The following MAD1L1 variants were observed in gnomAD, a reference collection of about 807,000 sequenced individuals.
MAD1L1 encodes mitotic arrest deficient 1 like 1, also known as mitotic spindle assembly checkpoint protein MAD1.
A neutral mutation model predicts 96.9 loss-of-function variants in MAD1L1; 95 were observed. The ratio of observed to expected loss-of-function variants is 0.98; its 90% CI spans 0.83 to 1.16. The LOEUF is 1.16. MAD1L1 is among the 50% of genes most tolerant of loss of function. MAD1L1 has a pLI of 0.00. For missense variants in MAD1L1, 1,007 were observed against 954.4 expected, an observed-to-expected ratio of 1.06 and a Z score of -0.73; for synonymous variants, 473 against 396.6, an observed-to-expected ratio of 1.19 and a Z score of -2.29.
Position 2,225,635 on chromosome 7 carries a change from CCT to C in MAD1L1, c.151-87_151-86del, listed in dbSNP as rs1793853107. On this transcript the variant is annotated intron_variant, in intron 3 of 18. Coordinates refer to ENST00000265854, the MANE Select transcript of MAD1L1 (RefSeq NM_001013836.2). ...GTGACTCAGTGCAGCAGACACACTC[CCT>C]GAGGACCCATTCCCGCAGGTCCCGT... is the stretch of plus-strand genomic sequence containing the variant. The C allele has an allele frequency of 2.8e-6, 4 of 1,429,780 alleles. No individual in the cohort carries two copies. The Admixed American group carries it at 5.6e-5, about 20-fold the overall frequency. The allele number at this position is 1,429,780 out of a possible 1,614,324, so 88.6% of individuals were successfully genotyped here. A position where few individuals can be genotyped will look rare whatever the true frequency, so the allele number is the denominator to read the frequency against.
intron 10 of MAD1L1, among the ~76,000 whole-genome samples, chr7:2,210,447 GAC>G: frequency 1.4e-5 from 2 of 138,288 alleles, no homozygotes; most frequent in Non-Finnish European, 3.3e-5. Flanking sequence ...CATTCCCGTG[GAC>G]TCTCTAGGAG....
chr7:2,053,444 G>A (rs541896856), intron 12 of MAD1L1, among the ~76,000 whole-genome samples: 42 of 152,356 alleles, frequency 2.8e-4, no homozygotes, highest in South Asian at 1.2e-3. Context: ...AAGGAACTGT[G>A]CCAGCCGCCG....
At chr7:2,140,739 G>A (rs1042322617) in intron 11 of MAD1L1, among the ~76,000 whole-genome samples, 1 of 152,258 alleles carries the variant, frequency 6.6e-6, no homozygotes, top group Non-Finnish European at 1.5e-5. Flanking sequence ...GTCCCTGCAT[G>A]CCAGAAAGGG....
intron 11 of MAD1L1, among the ~76,000 whole-genome samples, chr7:2,073,422 C>T (rs1055366461): frequency 2.0e-5 from 3 of 152,206 alleles, no homozygotes; most frequent in Non-Finnish European, 2.9e-5. Flanking sequence ...TCTCTACGAT[C>T]GTCAGTCACC....
At chr7:2,019,099 C>G (rs993791865) in intron 12 of MAD1L1, among the ~76,000 whole-genome samples, 5 of 152,222 alleles carry the variant, frequency 3.3e-5, no homozygotes, top group South Asian at 2.1e-4. Flanking sequence ...GGGCTGCAGA[C>G]ACGGCTCTGC....
intron 4 of MAD1L1, among the ~76,000 whole-genome samples, chr7:2,224,489 G>A (rs1050373658): frequency 6.6e-6 from 1 of 152,126 alleles, no homozygotes; most frequent in South Asian, 2.1e-4. Context: ...CCCACACAAC[G>A]CACACCGCAG....
intron 18 of MAD1L1, among the ~76,000 whole-genome samples, chr7:1,856,031 G>C (rs961751772): frequency 6.6e-6 from 1 of 152,194 alleles, no homozygotes; most frequent in African/African-American, 2.4e-5. Context: ...GGGGTGCGGT[G>C]AGGGAGCTCT....
chr7:1,946,972 C>T (rs1310270868), intron 16 of MAD1L1, among the ~76,000 whole-genome samples: 1 of 152,216 alleles, frequency 6.6e-6, no homozygotes, highest in Non-Finnish European at 1.5e-5. Context: ...TGGGGGCTGG[C>T]GTTGGCTCCA....
chr7:1,959,068 A>G (rs997222365), intron 15 of MAD1L1, among the ~76,000 whole-genome samples: 2 of 152,198 alleles, frequency 1.3e-5, no homozygotes, highest in East Asian at 1.9e-4. Context: ...CCTGGCCAAC[A>G]TGGCGTAACC....
chr7:1,920,339 T>C (rs34008721), intron 17 of MAD1L1, among the ~76,000 whole-genome samples: 52,003 of 152,180 alleles, frequency 0.34, 9,152 homozygotes, highest in Middle Eastern at 0.42. Flanking sequence ...CTGTGTTGTC[T>C]GCAGATGGAG....
At chr7:2,163,542 T>A (rs1790270616) in intron 10 of MAD1L1, among the ~76,000 whole-genome samples, 1 of 152,066 alleles carries the variant, frequency 6.6e-6, no homozygotes, top group African/African-American at 2.4e-5. Flanking sequence ...CCTGGCTAAT[T>A]TTTTGTATCT....
In MAD1L1 at chr7:1,879,607, A is replaced by C. The variant is rs1785569761; in HGVS notation, c.1998+18593T>G. The stretch of plus-strand genomic sequence containing the variant: ...TCTAGAATAGCTATAATTTTGAAAA[A>C]GAACAAAATTGGAGGACTTATGTTA... On this transcript the variant is annotated intron_variant, in intron 18 of 18. Coordinates refer to ENST00000265854, the MANE Select transcript of MAD1L1 (RefSeq NM_001013836.2). 2.0e-5 allele frequency among the ~76,000 whole-genome samples: 3 copies of C among 152,234 alleles called. No homozygotes were observed. The South Asian group carries it at 6.2e-4, about 32-fold the overall frequency.
At chr7:2,134,012 C>T (rs1217222557) in intron 11 of MAD1L1, among the ~76,000 whole-genome samples, 2 of 152,200 alleles carry the variant, frequency 1.3e-5, no homozygotes, top group East Asian at 1.9e-4. Context: ...CTGGCCATTG[C>T]CATCTTTTGC....
At chr7:2,218,599 T>A (rs190411641) in intron 6 of MAD1L1, among the ~76,000 whole-genome samples, 141 of 152,174 alleles carry the variant, frequency 9.3e-4, no homozygotes, top group African/African-American at 3.3e-3. Flanking sequence ...CCAAGGCACA[T>A]GATGCTGCCC....
At chr7:2,220,571 C>A (rs769708302) in intron 5 of MAD1L1, among the ~76,000 whole-genome samples, 5 of 152,226 alleles carry the variant, frequency 3.3e-5, no homozygotes, top group Non-Finnish European at 5.9e-5. Context: ...CAAACTCACA[C>A]AGCAAACGAC....
At chr7:2,079,618 G>T (rs1041297500) in intron 11 of MAD1L1, 24 of 470,806 alleles carry the variant, frequency 5.1e-5, no homozygotes, top group African/African-American at 4.8e-4. Flanking sequence ...CTTGAAATGT[G>T]AGAAGGAAAA....
chr7:1,949,336 C>T (rs1779380752), intron 16 of MAD1L1, among the ~76,000 whole-genome samples: 1 of 152,218 alleles, frequency 6.6e-6, no homozygotes, highest in Admixed American at 6.5e-5. Flanking sequence ...GCAAGCATCG[C>T]CCGGGGGGAC....
chr7:2,134,870 A>G (rs963950141), intron 11 of MAD1L1, among the ~76,000 whole-genome samples: 1 of 152,234 alleles, frequency 6.6e-6, no homozygotes, highest in Non-Finnish European at 1.5e-5. Flanking sequence ...AGAACACCTG[A>G]AAGAAGTCAG....
chr7:1,909,949 G>C (rs1005418707), intron 17 of MAD1L1, among the ~76,000 whole-genome samples: 5 of 152,144 alleles, frequency 3.3e-5, no homozygotes, highest in African/African-American at 1.2e-4. Context: ...GCGCTGGCTG[G>C]GTGAGCTCTG....
Sources: gnomAD v4.1 joint callset for allele counts (sites outside exome capture counted in the v4.1 genomes callset) on GRCh38, gnomAD v4.1.1 for gene constraint, MANE v1.5 for transcripts, NCBI Gene and HGNC (gene_info 2026-07-23, HGNC 2026-07-21) for gene names.